VRK1: variants seen among roughly 807,000 people sequenced by gnomAD.
The protein encoded by VRK1 is serine/threonine-protein kinase VRK1.
VRK1 carries 33 observed loss-of-function variants against 57.1 expected under a neutral mutation model. That is an observed-to-expected ratio of 0.58 (90% CI 0.44 to 0.77). The LOEUF (loss-of-function observed/expected upper bound fraction) is 0.77, where lower values mean the gene tolerates loss of function less well. Ranked by LOEUF, VRK1 falls within the 30% of genes least tolerant of loss-of-function variation. VRK1 has a pLI of 0.00. For missense variants in VRK1, 413 were observed against 477.3 expected (o/e 0.87, Z 1.25); for synonymous variants, 137 against 147.8 (o/e 0.93, Z 0.53).
At position 96,876,092 on chromosome 14, in the gene VRK1, C is replaced by T; in HGVS notation, c.1131C>T (p.Asn377=). The T allele has an allele frequency of 6.2e-7, 1 of 1,613,614 alleles. No homozygotes were observed. The highest frequency in any genetic ancestry group is 8.5e-7 in the Non-Finnish European group (1 of 1,179,664). ...EPGVEDTEWS[N]TQTEEAIQTR... is the part of the protein sequence containing the mutation. ...GTGTTGAAGATACGGAATGGTCAAA[C>T]ACACAGACAGAGGAGGCCATACAGA... Residue 377 remains asparagine, a synonymous_variant, in exon 12 of 13, where the codon AAC becomes AAT. Coordinates refer to ENST00000216639, the MANE Select transcript of VRK1 (RefSeq NM_003384.3).
rs532002652 is a variant in VRK1 at position 96,827,033 on chromosome 14, A to G, written c.-5-6434A>G. Among the ~76,000 whole-genome samples the G allele has an allele frequency of 2.0e-5, 3 of 152,240 alleles. No individual in the cohort carries two copies. The South Asian group carries it at 6.2e-4, about 32-fold the overall frequency. On this transcript the variant is annotated intron_variant, in intron 1 of 12. Coordinates refer to ENST00000216639, the MANE Select transcript of VRK1 (RefSeq NM_003384.3). ...GCTGGCAGAACTGTGTTCTCTAAAG[A>G]AAGGGGCACACCCTGAGAGGCACAT...
intron 3 of VRK1, among the ~76,000 whole-genome samples, chr14:96,842,454 A>G (rs1405444002): frequency 6.6e-6 from 1 of 152,228 alleles, no homozygotes; most frequent in Non-Finnish European, 1.5e-5. Context: ...TCTTTGGGGA[A>G]GTTTTATAAT....
At chr14:96,872,194 C>A (rs534200249) in intron 11 of VRK1, among the ~76,000 whole-genome samples, 1 of 152,252 alleles carries the variant, frequency 6.6e-6, no homozygotes, top group African/African-American at 2.4e-5. Flanking sequence ...CTTTTTATTT[C>A]TTCTCCCTGT....
chr14:96,811,341 C>T (rs904699282), intron 1 of VRK1, among the ~76,000 whole-genome samples: 18 of 152,340 alleles, frequency 1.2e-4, no homozygotes, highest in African/African-American at 4.3e-4. Context: ...CTATCTCCTG[C>T]AGAAGGGAGC....
chr14:96,873,386 G>A (rs889587703), intron 11 of VRK1, among the ~76,000 whole-genome samples: 2 of 152,102 alleles, frequency 1.3e-5, no homozygotes, highest in African/African-American at 2.4e-5. Flanking sequence ...TAGCATATCT[G>A]AACACTTCAA....
intron 9 of VRK1, 26 bp from the exon 10 acceptor site, chr14:96,856,502 G>T (rs1254892190): frequency 1.3e-6 from 2 of 1,588,288 alleles, no homozygotes. Flanking sequence ...TCAAGCTTCA[G>T]TGACTCATTC....
At chr14:96,821,148 C>T (rs1400519703) in intron 1 of VRK1, among the ~76,000 whole-genome samples, 1 of 152,152 alleles carries the variant, frequency 6.6e-6, no homozygotes, top group Non-Finnish European at 1.5e-5. Flanking sequence ...CTGCATATAG[C>T]TGAATGCAGC....
intron 1 of VRK1, among the ~76,000 whole-genome samples, chr14:96,831,791 C>T (rs1887015860): frequency 6.6e-6 from 1 of 152,170 alleles, no homozygotes. Flanking sequence ...TAAGAGATTA[C>T]TCTGATGATT....
At chr14:96,806,004 G>A (rs1305850067) in intron 1 of VRK1, among the ~76,000 whole-genome samples, 1 of 113,512 alleles carries the variant, frequency 8.8e-6, no homozygotes. Context: ...TTTTTTTTCT[G>A]CAGAAGAGCA....
intron 3 of VRK1, among the ~76,000 whole-genome samples, chr14:96,842,463 A>G (rs750232160): frequency 9.8e-5 from 15 of 152,314 alleles, no homozygotes; most frequent in Middle Eastern, 3.4e-3. Flanking sequence ...AAGTTTTATA[A>G]TTATTTCTAA....
chr14:96,874,233 C>G (rs536694041), intron 11 of VRK1, among the ~76,000 whole-genome samples: 1 of 152,262 alleles, frequency 6.6e-6, no homozygotes, highest in East Asian at 1.9e-4. Flanking sequence ...TTTATTCTTG[C>G]CTAATGCATC....
chr14:96,820,054 A>T (rs961476957), intron 1 of VRK1, among the ~76,000 whole-genome samples: 4 of 151,908 alleles, frequency 2.6e-5, no homozygotes, highest in African/African-American at 9.7e-5. Context: ...AGTGACCATG[A>T]CCTTTTTTTG....
chr14:96,840,956 A>G (rs1887436346), intron 3 of VRK1, among the ~76,000 whole-genome samples: 1 of 151,844 alleles, frequency 6.6e-6, no homozygotes, highest in Non-Finnish European at 1.5e-5. Flanking sequence ...CCTGGGTTCA[A>G]GTGATCCTCT....
intron 11 of VRK1, among the ~76,000 whole-genome samples, chr14:96,869,807 G>T (rs1418519946): frequency 2.0e-5 from 3 of 152,040 alleles, no homozygotes; most frequent in African/African-American, 7.2e-5. Context: ...TAGGAATTAG[G>T]TGTTTTGTGG....
chr14:96,799,431 A>G (rs995120450), intron 1 of VRK1, among the ~76,000 whole-genome samples: 5 of 152,170 alleles, frequency 3.3e-5, no homozygotes, highest in African/African-American at 4.8e-5. Context: ...TTTGACAGCT[A>G]TATTTTTTTT....
intron 11 of VRK1, among the ~76,000 whole-genome samples, chr14:96,867,420 C>T (rs1888625657): frequency 1.3e-5 from 2 of 151,684 alleles, no homozygotes; most frequent in South Asian, 2.1e-4. Flanking sequence ...TCTTGCCTTT[C>T]TCTTTGTCCT....
intron 1 of VRK1, among the ~76,000 whole-genome samples, chr14:96,827,263 G>A (rs184992930): frequency 6.5e-4 from 99 of 152,018 alleles, no homozygotes; most frequent in African/African-American, 2.3e-3. Context: ...TTATATACTC[G>A]AGCCAGACCT....
intron 6 of VRK1, 28 bp from the exon 7 acceptor site, chr14:96,853,046 T>G: frequency 1.9e-6 from 3 of 1,611,862 alleles, no homozygotes; most frequent in African/African-American, 1.3e-5. Context: ...GGTACTGCAT[T>G]AACTTATTCT....
At position 96,855,281 on chromosome 14, in the gene VRK1, G is replaced by A; in HGVS notation, c.634G>A (p.Glu212Lys). Residue 212 changes from glutamate (E) to lysine (K), a missense_variant, in exon 8 of 13, where the codon GAA (glutamate) becomes AAA (lysine). Glu to Lys is a moderately conservative substitution (Grantham distance 56). Coordinates refer to ENST00000216639, the MANE Select transcript of VRK1 (RefSeq NM_003384.3). ...GTACTGCCCAGAAGGAGTTCATAAA[G>A]AATACAAAGAAGACCCCAAAAGATG... ...YRYCPEGVHK[E>K]YKEDPKRCHD... 1 of 1,614,060 alleles carries A rather than the reference G, an allele frequency of 6.2e-7. No homozygotes were observed. The highest frequency in any genetic ancestry group is 8.5e-7 in the Non-Finnish European group (1 of 1,179,968).
Sources: gnomAD v4.1 joint callset for allele counts (sites outside exome capture counted in the v4.1 genomes callset) on GRCh38, gnomAD v4.1.1 for gene constraint, MANE v1.5 for transcripts, NCBI Gene and HGNC (gene_info 2026-07-23, HGNC 2026-07-21) for gene names.